The following FLRT2 variants were observed in gnomAD, a reference collection of about 807,000 sequenced individuals.
FLRT2 encodes leucine-rich repeat transmembrane protein FLRT2.
In FLRT2, 15 loss-of-function variants were observed where a neutral mutation model predicts 40.0. The ratio of observed to expected loss-of-function variants is 0.38; its 90% confidence interval spans 0.25 to 0.58. The LOEUF is 0.58. FLRT2 is among the 20% of genes least tolerant of loss of function. FLRT2 has a pLI of 0.71. For synonymous variants in FLRT2, 380 were observed against 336.8 expected (o/e 1.13, Z -1.41); for missense variants, 726 against 840.0 (o/e 0.86, Z 1.68).
intron 1 of FLRT2, among the ~76,000 whole-genome samples, chr14:85,599,804 C>T (rs970725305): frequency 6.6e-6 from 1 of 151,850 alleles, no homozygotes; most frequent in African/African-American, 2.4e-5. Context: ...GAAACCAGGC[C>T]ACAGGAAGAT....
Position 85,568,769 on chromosome 14 carries a change from C to CT in FLRT2, c.-377+38236dup, listed in dbSNP as rs1890752085. ...TTTCTGGGATCTTTACCTTTCTTCT[C>CT]TCACCTACTTAACTTTTGGAAACCC... On this transcript the variant is annotated intron_variant, in intron 1 of 1. Transcript: ENST00000330753. Among the ~76,000 whole-genome samples, 15 of 152,316 alleles carry CT rather than the reference C, an allele frequency of 9.8e-5. No individual in the cohort carries two copies. The South Asian group carries it at 3.1e-3, about 32-fold the overall frequency.
rs1894098227 is a variant in FLRT2, at chr14:85,639,612, T to G, written c.*16115T>G. ...GCTGCTGAATTTTCTCTCATGAGTT[T>G]GGCTAAAATTAGAGTGTGTGTTAGT... On this transcript the variant is annotated 3_prime_UTR_variant, in exon 2 of 2. Transcript: ENST00000330753. 6.6e-6 allele frequency: 1 copy of G among 152,174 alleles called. No homozygotes were observed. The highest frequency in any genetic ancestry group is 2.1e-4 in the South Asian group (1 of 4,830). The allele number at this position is 152,174 out of a possible 1,614,324, so 9.4% of individuals were successfully genotyped here.
chr14:85,617,850 A>C (rs1893201913), intron 1 of FLRT2, among the ~76,000 whole-genome samples: 1 of 152,210 alleles, frequency 6.6e-6, no homozygotes, highest in Non-Finnish European at 1.5e-5. Flanking sequence ...GCCGATCAAC[A>C]CATTGTGGTC....
Position 85,649,932 on chromosome 14 carries a change from T to TA in FLRT2, c.*26436dup, listed in dbSNP as rs1297056747. On this transcript the variant is annotated 3_prime_UTR_variant, in exon 2 of 2. Transcript: ENST00000330753. Reference sequence around the variant, plus strand: ...GTTGCTATAGTATTTCATTATTTTTTATTAGAAAATATTTTAATAACACAA... The same window carrying TA: ...GTTGCTATAGTATTTCATTATTTTTTAATTAGAAAATATTTTAATAACACAA... 2 of 152,108 alleles carry TA rather than the reference T, an allele frequency of 1.3e-5. No homozygotes were observed. Among genetic ancestry groups the TA allele is most frequent in the Admixed American group, 1.3e-4 (2 of 15,246 alleles). 9.4% of individuals were successfully genotyped at this position (152,108 alleles called of 1,614,324 possible).
At chr14:85,604,353 A>G (rs1226515500) in intron 1 of FLRT2, among the ~76,000 whole-genome samples, 3 of 152,058 alleles carry the variant, frequency 2.0e-5, no homozygotes, top group African/African-American at 2.4e-5. Context: ...CAACATTTAT[A>G]TATTGCCTGG....
At chr14:85,617,292 A>G (rs542684365) in intron 1 of FLRT2, among the ~76,000 whole-genome samples, 2 of 152,290 alleles carry the variant, frequency 1.3e-5, no homozygotes, top group East Asian at 1.9e-4. Context: ...TACATAGAGA[A>G]CAATCAGCAT....
chr14:85,550,373 A>G (rs935708687), intron 1 of FLRT2, among the ~76,000 whole-genome samples: 2 of 152,196 alleles, frequency 1.3e-5, no homozygotes, highest in Non-Finnish European at 2.9e-5. Context: ...AAACAATGAA[A>G]TGAGAGCCCT....
intron 1 of FLRT2, among the ~76,000 whole-genome samples, chr14:85,558,561 A>G (rs1278791227): frequency 6.6e-6 from 1 of 152,216 alleles, no homozygotes; most frequent in Non-Finnish European, 1.5e-5. Context: ...ATGCAGTTTC[A>G]AAGGAGGAGT....
intron 1 of FLRT2, among the ~76,000 whole-genome samples, chr14:85,597,346 T>C (rs1371653678): frequency 6.6e-6 from 1 of 152,176 alleles, no homozygotes; most frequent in Admixed American, 6.5e-5. Context: ...GAAAAGGAGA[T>C]GGGCGATTTA....
At chr14:85,576,464 G>A (rs1442702209) in intron 1 of FLRT2, among the ~76,000 whole-genome samples, 1 of 152,126 alleles carries the variant, frequency 6.6e-6, no homozygotes, top group Non-Finnish European at 1.5e-5. Flanking sequence ...CATTACCATT[G>A]TTTTGTGTTT....
intron 1 of FLRT2, among the ~76,000 whole-genome samples, chr14:85,585,606 G>A (rs2139882264): frequency 6.6e-6 from 1 of 152,254 alleles, no homozygotes; most frequent in South Asian, 2.1e-4. Context: ...TTATATGCAT[G>A]TGCGTGTGTA....
intron 1 of FLRT2, among the ~76,000 whole-genome samples, chr14:85,607,044 C>T (rs1892653842): frequency 6.6e-6 from 1 of 151,782 alleles, no homozygotes; most frequent in South Asian, 2.1e-4. Context: ...CACAAATTCT[C>T]ATAATAGCTA....
chr14:85,604,118 TTG>T (rs1892508634), intron 1 of FLRT2, among the ~76,000 whole-genome samples: 1 of 152,110 alleles, frequency 6.6e-6, no homozygotes, highest in Non-Finnish European at 1.5e-5. Flanking sequence ...GAAAACATTT[TTG>T]TGGAGTATCT....
intron 1 of FLRT2, among the ~76,000 whole-genome samples, chr14:85,607,973 T>G (rs1892698803): frequency 6.6e-6 from 1 of 151,610 alleles, no homozygotes; most frequent in African/African-American, 2.4e-5. Context: ...TCTCTTCTCT[T>G]GGGTCCTCAC....
intron 1 of FLRT2, among the ~76,000 whole-genome samples, chr14:85,619,309 T>C (rs1159391796): frequency 6.6e-6 from 1 of 152,142 alleles, no homozygotes; most frequent in East Asian, 1.9e-4. Flanking sequence ...GGTCTCGAAC[T>C]CCTGGGCTCA....
intron 1 of FLRT2, among the ~76,000 whole-genome samples, chr14:85,617,834 G>T (rs1459006676): frequency 1.3e-5 from 2 of 152,132 alleles, no homozygotes; most frequent in Admixed American, 6.5e-5. Flanking sequence ...AATTGAACTT[G>T]TCATAGCCGA....
intron 1 of FLRT2, among the ~76,000 whole-genome samples, chr14:85,549,385 T>G (rs1450180212): frequency 6.6e-6 from 1 of 152,226 alleles, no homozygotes; most frequent in Non-Finnish European, 1.5e-5. Context: ...GCTCTTGTCC[T>G]GGCCTCTGCA....
Position 85,649,749 on chromosome 14 carries a change from C to G in FLRT2, c.*26252C>G, listed in dbSNP as rs1043989818. The G allele has an allele frequency of 2.0e-5, 3 of 151,900 alleles. No homozygotes were observed. The highest frequency in any genetic ancestry group is 4.4e-5 in the Non-Finnish European group (3 of 67,922). The allele number at this position is 151,900 out of a possible 1,614,324, so 9.4% of individuals were successfully genotyped here. ...ATTTTTGTGTCAATGGTGAGTTCTT[C>G]TTTTTTCTTTACCTGAGTTGTATCA... On this transcript the variant is annotated 3_prime_UTR_variant, in exon 2 of 2. Coordinates refer to ENST00000330753, the MANE Select transcript of FLRT2 (RefSeq NM_013231.6).
intron 1 of FLRT2, among the ~76,000 whole-genome samples, chr14:85,597,159 A>G (rs1892177489): frequency 6.6e-6 from 1 of 152,192 alleles, no homozygotes; most frequent in African/African-American, 2.4e-5. Context: ...ATTTAATATG[A>G]AAAAGTCAAT....
Sources: allele counts gnomAD v4.1 joint callset (sites outside exome capture counted in the v4.1 genomes callset), GRCh38; gene constraint gnomAD v4.1.1; transcripts MANE v1.5; gene names NCBI Gene and HGNC (gene_info 2026-07-23, HGNC 2026-07-21).